Variants in CACHD1 observed in about 807,000 individuals in gnomAD.
CACHD1 encodes the protein VWFA and cache domain-containing protein 1.
A neutral mutation model predicts 138.7 loss-of-function variants in CACHD1; 71 were observed. The observed-to-expected ratio is 0.51, with a 90% CI of 0.42 to 0.62. The LOEUF (loss-of-function observed/expected upper bound fraction) is 0.62, where lower values mean the gene tolerates loss of function less well. CACHD1 is among the 20% of genes least tolerant of loss of function. The pLI, the probability that CACHD1 is intolerant of heterozygous loss-of-function variation, is 0.00. For synonymous variants in CACHD1, 578 were observed against 591.5 expected (o/e 0.98, Z 0.33); for missense variants, 1,389 against 1,625.3 (o/e 0.85, Z 2.50).
At position 64,628,540 on chromosome 1, in the gene CACHD1, A is replaced by C. The variant is rs145188943; in HGVS notation, c.518-815A>C. Among the ~76,000 whole-genome samples, 357 of 152,284 alleles carry C rather than the reference A, an allele frequency of 2.3e-3. 3 individuals are homozygous for C. The highest frequency in any genetic ancestry group is 8.0e-3 in the African/African-American group (334 of 41,564). ...CATGGAGGTCGTGGGACAGGATTGC[A>C]CACAACAAGGTGGTTGGCACTTGGG... On this transcript the variant is annotated intron_variant, in intron 4 of 26. Coordinates refer to ENST00000651257, the MANE Select transcript of CACHD1 (RefSeq NM_020925.4).
At chr1:64,512,415 A>AGC (rs2100352307) in intron 1 of CACHD1, among the ~76,000 whole-genome samples, 1 of 146,124 alleles carries the variant, frequency 6.8e-6, no homozygotes, top group Admixed American at 6.9e-5. Flanking sequence ...AAAAAAAAAA[A>AGC]AAAAGCAGAA....
intron 8 of CACHD1, among the ~76,000 whole-genome samples, chr1:64,646,298 C>T (rs1648899693): frequency 6.6e-6 from 1 of 152,144 alleles, no homozygotes; most frequent in African/African-American, 2.4e-5. Context: ...CCCCTCACTC[C>T]CCATCTCAGC....
intron 4 of CACHD1, among the ~76,000 whole-genome samples, chr1:64,622,064 T>A (rs2100617352): frequency 6.6e-6 from 1 of 152,276 alleles, no homozygotes; most frequent in South Asian, 2.1e-4. Flanking sequence ...CCAATCCGAA[T>A]TAAATAGAAA....
intron 1 of CACHD1, among the ~76,000 whole-genome samples, chr1:64,508,109 G>T (rs1646391088): frequency 6.6e-6 from 1 of 152,186 alleles, no homozygotes; most frequent in Admixed American, 6.5e-5. Flanking sequence ...GAGGACAAGA[G>T]AGAGAAGGGG....
intron 3 of CACHD1, among the ~76,000 whole-genome samples, chr1:64,590,693 ATTAT>A (rs1647092543): frequency 6.7e-6 from 1 of 150,320 alleles, no homozygotes; most frequent in Non-Finnish European, 1.5e-5. Context: ...TTGTTTTTTA[ATTAT>A]TTGTTTTTAA....
At chr1:64,559,576 A>G (rs138206869) in intron 2 of CACHD1, among the ~76,000 whole-genome samples, 2,143 of 152,294 alleles carry the variant, frequency 0.014, 46 homozygotes, top group African/African-American at 0.05. Flanking sequence ...TGATAAAATA[A>G]TATGTACAAC....
intron 1 of CACHD1, among the ~76,000 whole-genome samples, chr1:64,523,679 T>C (rs1277859964): frequency 6.6e-6 from 1 of 152,214 alleles, no homozygotes; most frequent in African/African-American, 2.4e-5. Flanking sequence ...GTGAGTCTTT[T>C]TCTGAAGCTT....
intron 1 of CACHD1, among the ~76,000 whole-genome samples, chr1:64,503,027 A>G (rs1646348626): frequency 6.6e-6 from 1 of 152,240 alleles, no homozygotes; most frequent in South Asian, 2.1e-4. Context: ...GCAAGTATTC[A>G]TTAATTTCCA....
chr1:64,485,548 A>G (rs1646237223), intron 1 of CACHD1, among the ~76,000 whole-genome samples: 1 of 151,962 alleles, frequency 6.6e-6, no homozygotes, highest in South Asian at 2.1e-4. Flanking sequence ...TTACCCATTC[A>G]CTAATTAAAG....
intron 21 of CACHD1, among the ~76,000 whole-genome samples, chr1:64,676,228 C>T (rs1649986893): frequency 6.6e-6 from 1 of 151,778 alleles, no homozygotes; most frequent in South Asian, 2.1e-4. Context: ...GTGCTACATA[C>T]AAAAAAATGT....
At chr1:64,594,673 G>C (rs139272057) in intron 3 of CACHD1, among the ~76,000 whole-genome samples, 1 of 152,180 alleles carries the variant, frequency 6.6e-6, no homozygotes, top group Non-Finnish European at 1.5e-5. Context: ...CACTGCTTAC[G>C]CTATTGAATT....
chr1:64,645,992 G>A (rs916291833), intron 8 of CACHD1, among the ~76,000 whole-genome samples: 2 of 152,078 alleles, frequency 1.3e-5, no homozygotes, highest in South Asian at 2.1e-4. Context: ...GCAACCCAGC[G>A]TACTTACCAA....
intron 2 of CACHD1, among the ~76,000 whole-genome samples, chr1:64,570,926 T>TA (rs891724500): frequency 4.6e-5 from 7 of 151,396 alleles, no homozygotes; most frequent in East Asian, 1.9e-4. Flanking sequence ...CCAATGATAT[T>TA]AAAAAAAAAC....
In CACHD1 at chr1:64,678,162, C is replaced by A. The variant is rs1337406640; in HGVS notation, c.3096C>A (p.Asp1032Glu). 7.5e-6 allele frequency: 12 copies of A among 1,609,374 alleles called. No homozygotes were observed. Among genetic ancestry groups the A allele is most frequent in the Non-Finnish European group, 1.0e-5 (12 of 1,178,162 alleles). ...CTAAGTATTGTTTTTCTGGCAGGGA[C>A]TGTTTTGGGGTGCTGGATTGTGAAT... ...SRCSQRLESG[D>E]CFGVLDCEWC... Residue 1032 changes from aspartate (D) to glutamate (E), a missense_variant, in exon 23 of 27, where the codon GAC (aspartate) becomes GAA (glutamate). This residue lies in a region of CACHD1 where 250 missense variants were observed against 292.9 expected (regional missense o/e 0.85). Transcript: ENST00000651257.
intron 12 of CACHD1, among the ~76,000 whole-genome samples, chr1:64,658,119 G>C (rs1649325590): frequency 6.6e-6 from 1 of 152,210 alleles, no homozygotes; most frequent in Non-Finnish European, 1.5e-5. Context: ...ACTCTGCAGG[G>C]ATGCCATAGG....
chr1:64,614,465 T>C (rs1243458037), intron 4 of CACHD1, among the ~76,000 whole-genome samples: 1 of 151,944 alleles, frequency 6.6e-6, no homozygotes, highest in African/African-American at 2.4e-5. Context: ...GGTCTAGACA[T>C]CTTGTTGGAC....
chr1:64,627,173 A>G (rs1380316553), intron 4 of CACHD1, among the ~76,000 whole-genome samples: 1 of 152,162 alleles, frequency 6.6e-6, no homozygotes, highest in East Asian at 1.9e-4. Flanking sequence ...TTGAGAGGCC[A>G]AGGCAGAAGG....
chr1:64,666,834 G>A (rs1424568510), intron 16 of CACHD1, among the ~76,000 whole-genome samples: 4 of 133,980 alleles, frequency 3.0e-5, no homozygotes, highest in African/African-American at 8.6e-5. Context: ...GGGTGACAGC[G>A]TGAGATCCTG....
At chr1:64,563,173 A>G (rs1375190832) in intron 2 of CACHD1, among the ~76,000 whole-genome samples, 1 of 151,178 alleles carries the variant, frequency 6.6e-6, no homozygotes, top group Non-Finnish European at 1.5e-5. Context: ...AGTATTTAAA[A>G]TATATTCTGA....
Sources: gnomAD v4.1 joint callset for allele counts (sites outside exome capture counted in the v4.1 genomes callset) on GRCh38, gnomAD v4.1.1 for gene constraint, gnomAD v4.1.1 regional missense constraint, MANE v1.5 for transcripts, NCBI Gene and HGNC (gene_info 2026-07-23, HGNC 2026-07-21) for gene names.